Variants in PTPRD observed in about 807,000 individuals in gnomAD.
PTPRD encodes receptor-type tyrosine-protein phosphatase delta.
PTPRD carries 34 observed loss-of-function variants against 214.5 expected under a neutral mutation model. That is an observed-to-expected ratio of 0.16 (90% confidence interval 0.12 to 0.21). The LOEUF (loss-of-function observed/expected upper bound fraction) is 0.21. Ranked by LOEUF, PTPRD falls within the 10% of genes least tolerant of loss-of-function variation. PTPRD has a pLI of 1.00. For synonymous variants in PTPRD, 1,128 were observed against 845.7 expected (o/e 1.33, Z -5.79); for missense variants, 2,545 against 2,398.7 (o/e 1.06, Z -1.27).
At chr9:10,069,701 T>A (rs1422579252) in intron 3 of PTPRD, among the ~76,000 whole-genome samples, 2 of 151,958 alleles carry the variant, frequency 1.3e-5, no homozygotes, top group Non-Finnish European at 2.9e-5. Flanking sequence ...GTAGTGCATA[T>A]GAGTAATGAC....
At chr9:8,919,269 T>G (rs1037448713) in intron 11 of PTPRD, among the ~76,000 whole-genome samples, 1 of 151,974 alleles carries the variant, frequency 6.6e-6, no homozygotes, top group African/African-American at 2.4e-5. Context: ...GGTGCACACC[T>G]GTAGTCCCAG....
chr9:8,315,953 G>A lies in PTPRD; in HGVS notation c.*1921C>T, dbSNP rs1034147945. On this transcript the variant is annotated 3_prime_UTR_variant, in exon 46 of 46. Transcript: ENST00000381196. ...GGGGTAAGATACATATATATATATA[G>A]TTTATTTCCCCTTTTAGAAAAATCC... 4.6e-6 allele frequency: 1 copy of A among 217,838 alleles called. No homozygotes were observed. The highest frequency in any genetic ancestry group is 9.0e-6 in the Non-Finnish European group (1 of 110,996). The allele number at this position is 217,838 out of a possible 1,614,324, so 13.5% of individuals were successfully genotyped here. A position where few individuals can be genotyped will look rare whatever the true frequency, so the allele number is the denominator to read the frequency against.
chr9:10,534,487 C>A (rs2057269121), intron 2 of PTPRD, among the ~76,000 whole-genome samples: 2 of 152,004 alleles, frequency 1.3e-5, no homozygotes. Context: ...AAGGCAAAAG[C>A]AATGGTTTTG....
At chr9:9,767,584 C>G (rs1003156485) in intron 5 of PTPRD, among the ~76,000 whole-genome samples, 1 of 151,950 alleles carries the variant, frequency 6.6e-6, no homozygotes, top group African/African-American at 2.4e-5. Context: ...ACTCACATTG[C>G]AAATGTGATA....
chr9:8,658,726 T>C (rs938885908), intron 12 of PTPRD, among the ~76,000 whole-genome samples: 1 of 152,048 alleles, frequency 6.6e-6, no homozygotes, highest in Non-Finnish European at 1.5e-5. Flanking sequence ...TTTTTGTCCT[T>C]TTTTTGTATC....
At chr9:9,797,087 G>C (rs910137139) in intron 5 of PTPRD, among the ~76,000 whole-genome samples, 1 of 151,792 alleles carries the variant, frequency 6.6e-6, no homozygotes, top group African/African-American at 2.4e-5. Context: ...GTACTTTAAA[G>C]AAATACATGG....
chr9:9,605,953 C>T (rs757616662), intron 7 of PTPRD, among the ~76,000 whole-genome samples: 6 of 151,952 alleles, frequency 3.9e-5, no homozygotes, highest in Non-Finnish European at 7.4e-5. Flanking sequence ...TACAATGGTT[C>T]GGCTGTCATT....
Position 8,517,834 on chromosome 9 carries a change from T to C in PTPRD, c.1543+14A>G, listed in dbSNP as rs1564003674. 2 of 1,604,728 alleles carry C rather than the reference T, an allele frequency of 1.2e-6. No homozygotes were observed. The highest frequency in any genetic ancestry group is 3.4e-5 in the Admixed American group (2 of 59,548). ...CTTCCCTCCTGCCCTATTTCCCTCC[T>C]CAACCAAACTTACCTCCTGTCTGAG... On this transcript the variant is annotated intron_variant, in intron 21 of 45. Coordinates refer to ENST00000381196, the MANE Select transcript of PTPRD (RefSeq NM_002839.4).
At chr9:9,154,176 C>T (rs944979613) in intron 10 of PTPRD, among the ~76,000 whole-genome samples, 2 of 152,088 alleles carry the variant, frequency 1.3e-5, no homozygotes, top group African/African-American at 4.8e-5. Context: ...GATGTTGAGC[C>T]TGGAACATTA....
At chr9:9,454,458 A>G (rs909051221) in intron 8 of PTPRD, among the ~76,000 whole-genome samples, 1 of 151,770 alleles carries the variant, frequency 6.6e-6, no homozygotes, top group Non-Finnish European at 1.5e-5. Context: ...AATATAAAAC[A>G]ATTATGGTTT....
intron 25 of PTPRD, 24 bp from the exon 26 acceptor site, chr9:8,497,292 G>A (rs2097298109): frequency 1.3e-6 from 2 of 1,579,374 alleles, no homozygotes; most frequent in Non-Finnish European, 1.7e-6. Context: ...AGAAGGTTGG[G>A]AGGAAAACAA....
chr9:10,216,304 C>T lies in PTPRD; in HGVS notation c.-545+124659G>A, dbSNP rs150379377. 3.3e-3 allele frequency among the ~76,000 whole-genome samples: 507 copies of T among 151,820 alleles called. 1 individual carries two copies. The highest frequency in any genetic ancestry group is 0.014 in the Middle Eastern group (4 of 294). On this transcript the variant is annotated intron_variant, in intron 3 of 45. Coordinates refer to ENST00000381196, the MANE Select transcript of PTPRD (RefSeq NM_002839.4). ...TAGAGAAGGAGTGCAGGTAGAAGGACGGAAGGGGTTAGAGAGCTTCAAAAA... is the reference window on the plus strand; with the variant it reads ...TAGAGAAGGAGTGCAGGTAGAAGGATGGAAGGGGTTAGAGAGCTTCAAAAA...
intron 3 of PTPRD, among the ~76,000 whole-genome samples, chr9:10,165,733 A>G (rs929525445): frequency 3.3e-5 from 5 of 151,552 alleles, no homozygotes; most frequent in Non-Finnish European, 5.9e-5. Context: ...AGAGCCAAAC[A>G]TTTCTGAAAT....
At chr9:9,392,292 A>G (rs4008111) in intron 9 of PTPRD, among the ~76,000 whole-genome samples, 40,139 of 152,002 alleles carry the variant, frequency 0.26, 5,440 homozygotes, top group Middle Eastern at 0.3. Flanking sequence ...ATTGGGTCAT[A>G]AACCTGCTTA....
intron 2 of PTPRD, among the ~76,000 whole-genome samples, chr9:10,449,653 G>T (rs1412527650): frequency 5.3e-5 from 8 of 151,166 alleles, no homozygotes; most frequent in African/African-American, 2.0e-4. Flanking sequence ...CCGCCGCCCC[G>T]TCTGGGATGT....
chr9:10,297,039 G>A (rs903486639), intron 3 of PTPRD, among the ~76,000 whole-genome samples: 2 of 150,330 alleles, frequency 1.3e-5, no homozygotes, highest in African/African-American at 4.9e-5. Flanking sequence ...TAATAACACA[G>A]TATGGTAAAT....
chr9:10,337,109 A>C (rs964397166), intron 3 of PTPRD, among the ~76,000 whole-genome samples: 1 of 151,700 alleles, frequency 6.6e-6, no homozygotes, highest in Non-Finnish European at 1.5e-5. Flanking sequence ...GACAACAAAA[A>C]CTTTCCTTTT....
At chr9:9,968,384 G>C (rs2094853069) in intron 4 of PTPRD, among the ~76,000 whole-genome samples, 1 of 152,160 alleles carries the variant, frequency 6.6e-6, no homozygotes, top group Non-Finnish European at 1.5e-5. Context: ...GATACGCTTT[G>C]AGTAAATGTA....
intron 3 of PTPRD, among the ~76,000 whole-genome samples, chr9:10,331,519 A>G (rs553903691): frequency 6.6e-6 from 1 of 151,896 alleles, no homozygotes; most frequent in South Asian, 2.1e-4. Flanking sequence ...GGTTAGTTAA[A>G]TAGTAAGAGA....
Sources: gnomAD v4.1 joint callset for allele counts (sites outside exome capture counted in the v4.1 genomes callset) on GRCh38, gnomAD v4.1.1 for gene constraint, MANE v1.5 for transcripts, NCBI Gene and HGNC (gene_info 2026-07-23, HGNC 2026-07-21) for gene names.